The following CACNA1C variants were observed in gnomAD, a reference collection of about 807,000 sequenced individuals.
The protein encoded by CACNA1C is voltage-dependent L-type calcium channel subunit alpha-1C.
Under a neutral mutation model 229.0 loss-of-function variants are expected in CACNA1C, and 30 were observed. That is an observed-to-expected ratio of 0.13 (90% CI 0.10 to 0.18). CACNA1C has a LOEUF of 0.18. CACNA1C is among the 10% of genes least tolerant of loss of function. The pLI is 1.00. For synonymous variants in CACNA1C, 1,114 were observed against 1,132.5 expected, an observed-to-expected ratio of 0.98 and a Z score of 0.33; for missense variants, 1,658 against 2,845.0, an observed-to-expected ratio of 0.58 and a Z score of 9.49.
chr12:2,311,282 TCTGGG>T (rs1240630884), intron 3 of CACNA1C, among the ~76,000 whole-genome samples: 1 of 152,230 alleles, frequency 6.6e-6, no homozygotes, highest in African/African-American at 2.4e-5. Context: ...AAACTGTGGT[TCTGGG>T]CTGCATACTT....
intron 3 of CACNA1C, chr12:2,222,192 T>A (rs903665852): frequency 6.6e-6 from 1 of 152,250 alleles, no homozygotes; most frequent in Admixed American, 6.5e-5. Context: ...AAACTTGTGA[T>A]GTCTTACCAT....
intron 3 of CACNA1C, among the ~76,000 whole-genome samples, chr12:2,226,424 G>C (rs1444173820): frequency 6.6e-6 from 1 of 152,128 alleles, no homozygotes; most frequent in African/African-American, 2.4e-5. Flanking sequence ...ACCAGATTTA[G>C]ATATTCACTG....
intron 3 of CACNA1C, among the ~76,000 whole-genome samples, chr12:2,360,757 G>A (rs1290105815): frequency 6.6e-6 from 1 of 152,058 alleles, no homozygotes; most frequent in African/African-American, 2.4e-5. Flanking sequence ...TCTACTGGCT[G>A]TTTGAAGAAT....
intron 3 of CACNA1C, among the ~76,000 whole-genome samples, chr12:2,426,235 C>T (rs2099030654): frequency 6.6e-6 from 1 of 152,196 alleles, no homozygotes; most frequent in African/African-American, 2.4e-5. Context: ...AAATATGATA[C>T]ATGCCTTTGC....
At chr12:2,300,337 C>T (rs189341922) in intron 3 of CACNA1C, among the ~76,000 whole-genome samples, 3 of 152,268 alleles carry the variant, frequency 2.0e-5, no homozygotes, top group Admixed American at 2.0e-4. Context: ...AGGACCAGGC[C>T]GGGCACGGCG....
intron 3 of CACNA1C, among the ~76,000 whole-genome samples, chr12:2,431,525 T>C (rs1392658856): frequency 6.6e-6 from 1 of 152,128 alleles, no homozygotes; most frequent in African/African-American, 2.4e-5. Context: ...GTAATCCAAA[T>C]GTGCTCTGTG....
At chr12:2,070,274 A>C (rs1231060825) in intron 1 of CACNA1C, among the ~76,000 whole-genome samples, 2 of 152,212 alleles carry the variant, frequency 1.3e-5, no homozygotes, top group Admixed American at 6.5e-5. Context: ...CTTGCATATG[A>C]AACTACTGAG....
chr12:2,079,361 A>C (rs2154043404), intron 1 of CACNA1C, among the ~76,000 whole-genome samples: 1 of 152,270 alleles, frequency 6.6e-6, no homozygotes, highest in African/African-American at 2.4e-5. Context: ...GGGTGGCTTA[A>C]ACAGCAAGTA....
chr12:2,189,277 C>G (rs2154294769), intron 3 of CACNA1C, among the ~76,000 whole-genome samples: 1 of 152,210 alleles, frequency 6.6e-6, no homozygotes. Context: ...GTAAGAGAGC[C>G]TTGTGCTAGA....
intron 16 of CACNA1C, 61 bp downstream of exon 16, chr12:2,584,678 C>A: frequency 8.9e-7 from 1 of 1,117,450 alleles, no homozygotes; most frequent in South Asian, 1.4e-5. Flanking sequence ...AATGTCTTCC[C>A]ACTGGTGGCA....
chr12:2,536,858 A>C (rs1046077794), intron 9 of CACNA1C, among the ~76,000 whole-genome samples: 6 of 152,178 alleles, frequency 3.9e-5, no homozygotes, highest in African/African-American at 1.4e-4. Flanking sequence ...AATCAAATGA[A>C]GGGCTGGCCT....
At chr12:2,294,535 G>T (rs1025011144) in intron 3 of CACNA1C, among the ~76,000 whole-genome samples, 1 of 152,036 alleles carries the variant, frequency 6.6e-6, no homozygotes, top group African/African-American at 2.4e-5. Flanking sequence ...GAACCATCGC[G>T]GTAGGCCTGA....
chr12:2,152,164 A>G lies in CACNA1C; in HGVS notation c.477+31734A>G, dbSNP rs1032689084. ...CACATTATGGCATGCACATTAATGT[A>G]GGGATTGTTCATACAAAAGAGGGCA... On this transcript the variant is annotated intron_variant, in intron 3 of 46. Coordinates refer to ENST00000399655, the MANE Select transcript of CACNA1C (RefSeq NM_000719.7). The surrounding 1 kb of genome is among the most constrained non-coding windows in gnomAD (Gnocchi z 4.2). Among the ~76,000 whole-genome samples, 2 of 152,230 alleles carry G rather than the reference A, an allele frequency of 1.3e-5. No homozygotes were observed. Among genetic ancestry groups the G allele is most frequent in the Admixed American group, 6.5e-5 (1 of 15,284 alleles).
Position 2,585,885 on chromosome 12 carries a change from C to T in CACNA1C, c.2511C>T (p.Tyr837=). 6.2e-7 allele frequency: 1 copy of T among 1,602,946 alleles called. No homozygotes were observed. The highest frequency in any genetic ancestry group is 8.5e-7 in the Non-Finnish European group (1 of 1,174,346). The change falls in exon 18 of 47, where the codon TAC becomes TAT. Residue 837 remains tyrosine, a synonymous_variant. Transcript: ENST00000399655. This position sits in a 1 kb window ranked among gnomAD's most constrained non-coding sequence, Gnocchi z 4.1. ...ATGAAAATGAGGATAAGAGCCCCTA[C>T]CCCAACCCAGAAACTACAGGTACCA... is the stretch of plus-strand genomic sequence containing the variant. ...QPNENEDKSP[Y]PNPETTGEED...
chr12:2,167,913 C>T lies in CACNA1C; in HGVS notation c.477+47483C>T, dbSNP rs149236325. Among the ~76,000 whole-genome samples the T allele has an allele frequency of 4.2e-3, 644 of 152,308 alleles. 5 individuals are homozygous for T. The highest frequency in any genetic ancestry group is 0.015 in the African/African-American group (604 of 41,552). ...CAGGTTCTGCCTGCTTTGAGTTGCT[C>T]TCTAGTGCATGCAAATAGGTATTTT... On this transcript the variant is annotated intron_variant, in intron 3 of 46. Transcript: ENST00000399655.
chr12:1,981,369 A>G (rs1339231647), intron 1 of CACNA1C, among the ~76,000 whole-genome samples: 1 of 152,240 alleles, frequency 6.6e-6, no homozygotes, highest in Non-Finnish European at 1.5e-5. Flanking sequence ...AAAACAATTC[A>G]GTACTCATTG....
intron 13 of CACNA1C, among the ~76,000 whole-genome samples, chr12:2,577,964 G>T (rs2059086331): frequency 6.6e-6 from 1 of 151,270 alleles, no homozygotes; most frequent in African/African-American, 2.4e-5. Context: ...CGCCTCCCGG[G>T]TTCACGCCAT....
intron 5 of CACNA1C, among the ~76,000 whole-genome samples, chr12:2,469,266 G>A (rs1201458630): frequency 6.6e-6 from 1 of 152,180 alleles, no homozygotes; most frequent in African/African-American, 2.4e-5. Flanking sequence ...TATTGATGAT[G>A]ATAGAAAAGT....
intron 3 of CACNA1C, among the ~76,000 whole-genome samples, chr12:2,333,278 G>T (rs73605768): frequency 0.09 from 13,750 of 152,116 alleles, 1,866 homozygotes; most frequent in African/African-American, 0.29. Context: ...TAAGAGGTGC[G>T]GCTGGAATTC....
Sources: allele counts gnomAD v4.1 joint callset (sites outside exome capture counted in the v4.1 genomes callset), GRCh38; gene constraint gnomAD v4.1.1; non-coding constraint Gnocchi (gnomAD v3.1); transcripts MANE v1.5; gene names NCBI Gene and HGNC (gene_info 2026-07-23, HGNC 2026-07-21).